The following TRAF3IP1 variants were observed in gnomAD, a reference collection of about 807,000 sequenced individuals.
TRAF3IP1 encodes the protein TRAF3-interacting protein 1.
In TRAF3IP1, 53 loss-of-function variants were observed where a neutral mutation model predicts 89.9. The observed-to-expected ratio is 0.59, with a 90% CI of 0.47 to 0.74. The LOEUF (loss-of-function observed/expected upper bound fraction) is 0.74, where lower values mean the gene tolerates loss of function less well. TRAF3IP1 is among the 30% of genes least tolerant of loss of function. TRAF3IP1 has a pLI of 0.00. For missense variants in TRAF3IP1, 806 were observed against 866.1 expected (o/e 0.93, Z 0.87); for synonymous variants, 311 against 322.1 (o/e 0.97, Z 0.37).
chr2:238,390,313 C>T (rs901788292), intron 15 of TRAF3IP1, among the ~76,000 whole-genome samples: 2 of 152,168 alleles, frequency 1.3e-5, no homozygotes, highest in East Asian at 3.8e-4. Flanking sequence ...GGATCACCAA[C>T]CTTTCAGCGG....
At chr2:238,343,467 G>A (rs1009002831) in intron 8 of TRAF3IP1, among the ~76,000 whole-genome samples, 7 of 151,276 alleles carry the variant, frequency 4.6e-5, no homozygotes, top group African/African-American at 7.3e-5. Context: ...CTGCAGCCTC[G>A]ACCTCCTGGG....
intron 15 of TRAF3IP1, among the ~76,000 whole-genome samples, chr2:238,381,552 C>T: frequency 6.6e-6 from 1 of 152,212 alleles, no homozygotes; most frequent in East Asian, 1.9e-4. Flanking sequence ...CTGCAAGCAG[C>T]ACTGTGTGGA....
intron 7 of TRAF3IP1, among the ~76,000 whole-genome samples, chr2:238,335,451 C>T (rs1377947751): frequency 1.3e-5 from 2 of 151,978 alleles, no homozygotes; most frequent in South Asian, 4.1e-4. Context: ...GTGTTTTTTA[C>T]TTCCACTTTT....
chr2:238,350,919 G>A (rs888465849), intron 12 of TRAF3IP1, among the ~76,000 whole-genome samples: 31 of 152,044 alleles, frequency 2.0e-4, no homozygotes, highest in African/African-American at 6.5e-4. Flanking sequence ...ATGTGGAAGC[G>A]CCACGGTCAT....
intron 15 of TRAF3IP1, among the ~76,000 whole-genome samples, chr2:238,374,192 C>T (rs1001322995): frequency 5.3e-5 from 8 of 152,180 alleles, no homozygotes; most frequent in Non-Finnish European, 1.2e-4. Flanking sequence ...TGAGAGAGGG[C>T]ATCCTTGTCT....
At chr2:238,342,504 A>G (rs1343087954) in intron 8 of TRAF3IP1, among the ~76,000 whole-genome samples, 3 of 151,964 alleles carry the variant, frequency 2.0e-5, no homozygotes, top group African/African-American at 7.3e-5. Flanking sequence ...AAATTGTGAA[A>G]GTGTCATTGG....
At chr2:238,373,882 T>G (rs568152460) in intron 15 of TRAF3IP1, among the ~76,000 whole-genome samples, 1 of 152,326 alleles carries the variant, frequency 6.6e-6, no homozygotes, top group South Asian at 2.1e-4. Context: ...GGTATTTTAT[T>G]CTCTTTGTAG....
At chr2:238,349,234 G>A (rs990090358) in intron 11 of TRAF3IP1, 91 bp from the exon 12 acceptor site, 12 of 1,209,840 alleles carry the variant, frequency 9.9e-6, no homozygotes, top group African/African-American at 6.0e-5. Context: ...GCTTGGAGAT[G>A]AGAGTTAACA....
At chr2:238,395,407 T>G (rs1230616874) in intron 15 of TRAF3IP1, among the ~76,000 whole-genome samples, 1 of 152,160 alleles carries the variant, frequency 6.6e-6, no homozygotes, top group African/African-American at 2.4e-5. Flanking sequence ...GACTACATGT[T>G]AGACCTAAAA....
At position 238,398,868 on chromosome 2, in the gene TRAF3IP1, AG is replaced by A; in HGVS notation, c.2026del (p.Glu676LysfsTer12). The A allele has an allele frequency of 6.2e-7, 1 of 1,613,186 alleles. No individual in the cohort carries two copies. On this transcript the variant is annotated frameshift_variant, in exon 17 of 17. Coordinates refer to ENST00000373327, the MANE Select transcript of TRAF3IP1 (RefSeq NM_015650.4). LOFTEE classifies it high-confidence loss of function. ...AVKANILKNE[E>X]KIQKMVYSIN... Reference sequence around the variant, plus strand: ...TGAAGGCCAACATCCTCAAGAATGAAGAAAAAATCCAGAAAATGGTATATAG... The same window carrying A: ...TGAAGGCCAACATCCTCAAGAATGAAAAAAAATCCAGAAAATGGTATATAG...
intron 15 of TRAF3IP1, among the ~76,000 whole-genome samples, chr2:238,382,507 C>A (rs1700588857): frequency 6.6e-6 from 1 of 152,210 alleles, no homozygotes; most frequent in Non-Finnish European, 1.5e-5. Context: ...CTTAAGTTGT[C>A]ATTTGCATCT....
chr2:238,398,977 A>G lies in TRAF3IP1; in HGVS notation c.*58A>G. ...TCAGTTTAAAAGCAAAAAGGAAGAT[A>G]GAAAATCATTACTCTTTTAAGTTCC... On this transcript the variant is annotated 3_prime_UTR_variant, in exon 17 of 17. Transcript: ENST00000373327. The G allele has an allele frequency of 6.9e-7, 1 of 1,449,336 alleles. No individual in the cohort carries two copies. The highest frequency in any genetic ancestry group is 9.4e-7 in the Non-Finnish European group (1 of 1,068,726). 89.8% of individuals were successfully genotyped at this position (1,449,336 alleles called of 1,614,324 possible).
In TRAF3IP1 at chr2:238,332,891, CA is replaced by C. The variant is rs763996727; in HGVS notation, c.984del (p.Glu329ArgfsTer12). 6.2e-7 allele frequency: 1 copy of C among 1,608,294 alleles called. No individual in the cohort carries two copies. The highest frequency in any genetic ancestry group is 8.5e-7 in the Non-Finnish European group (1 of 1,175,850). On this transcript the variant is annotated frameshift_variant, in exon 6 of 17. Transcript: ENST00000373327. LOFTEE classifies it high-confidence loss of function. The part of the protein sequence containing the change: ...DGTFKDSKAE[T>X]ETEISTRASK... The stretch of plus-strand genomic sequence containing the variant: ...ACTTTTAAAGACTCCAAGGCTGAAA[CA>C]GAGGTAAACTTTAAAAAATAACTTT...
At chr2:238,390,945 C>T (rs1393241501) in intron 15 of TRAF3IP1, among the ~76,000 whole-genome samples, 10 of 152,052 alleles carry the variant, frequency 6.6e-5, no homozygotes, top group Admixed American at 1.3e-4. Flanking sequence ...GATTTCCTTT[C>T]CTTTTCTTTT....
At chr2:238,375,500 TGTC>T (rs1700278465) in intron 15 of TRAF3IP1, among the ~76,000 whole-genome samples, 1 of 152,206 alleles carries the variant, frequency 6.6e-6, no homozygotes, top group African/African-American at 2.4e-5. Context: ...AGAGACAGCT[TGTC>T]GTGATTTCTG....
chr2:238,392,539 C>A (rs1701036960), intron 15 of TRAF3IP1, among the ~76,000 whole-genome samples: 1 of 152,000 alleles, frequency 6.6e-6, no homozygotes, highest in African/African-American at 2.4e-5. Context: ...CCTCTGAGGG[C>A]CATCCAGTTT....
chr2:238,322,276 C>A (rs1383185521), intron 1 of TRAF3IP1, among the ~76,000 whole-genome samples: 1 of 152,224 alleles, frequency 6.6e-6, no homozygotes, highest in Non-Finnish European at 1.5e-5. Context: ...AAATGCAGAG[C>A]CCCAGGAGGG....
intron 10 of TRAF3IP1, 140 bp from the exon 11 acceptor site, chr2:238,348,624 G>GAA: frequency 1.5e-6 from 1 of 673,252 alleles, no homozygotes; most frequent in Non-Finnish European, 2.5e-6. Flanking sequence ...ATGATTGATG[G>GAA]AAAAATTGCT....
chr2:238,335,515 A>G (rs776136000), intron 7 of TRAF3IP1, among the ~76,000 whole-genome samples: 10 of 152,052 alleles, frequency 6.6e-5, no homozygotes, highest in Non-Finnish European at 1.2e-4. Context: ...GTTTTAAGCC[A>G]TCTTATTTGC....
Sources: allele counts gnomAD v4.1 joint callset (sites outside exome capture counted in the v4.1 genomes callset), GRCh38; gene constraint gnomAD v4.1.1; transcripts MANE v1.5; gene names NCBI Gene and HGNC (gene_info 2026-07-23, HGNC 2026-07-21).